DOCK1: variants seen among roughly 807,000 people sequenced by gnomAD.
The protein encoded by DOCK1 is dedicator of cytokinesis 1, also known as dedicator of cytokinesis protein 1.
Under a neutral mutation model 262.7 loss-of-function variants are expected in DOCK1, and 138 were observed. The observed-to-expected ratio is 0.53, with a 90% CI of 0.46 to 0.61. DOCK1 has a LOEUF of 0.61. Ranked by LOEUF, DOCK1 falls within the 20% of genes least tolerant of loss-of-function variation. DOCK1 has a pLI of 0.00. For synonymous variants in DOCK1, 866 were observed against 867.4 expected (o/e 1.00, Z 0.03); for missense variants, 1,908 against 2,370.7 (o/e 0.80, Z 4.05).
intron 29 of DOCK1, among the ~76,000 whole-genome samples, chr10:127,270,100 C>G (rs992620511): frequency 3.9e-5 from 6 of 152,198 alleles, no homozygotes; most frequent in Admixed American, 3.9e-4. Context: ...CCAGCGCCTC[C>G]TCCGAGCTGC....
chr10:126,962,061 G>A (rs1369803873), intron 1 of DOCK1, among the ~76,000 whole-genome samples: 5 of 151,946 alleles, frequency 3.3e-5, no homozygotes, highest in South Asian at 2.1e-4. Context: ...GCAGTGGTGC[G>A]CTCTCGGCTC....
At chr10:127,280,863 AT>A (rs774355551) in intron 29 of DOCK1, among the ~76,000 whole-genome samples, 6 of 152,022 alleles carry the variant, frequency 3.9e-5, no homozygotes, top group Non-Finnish European at 8.8e-5. Flanking sequence ...ACATCGGAAT[AT>A]TTTCAACTTT....
chr10:127,174,941 A>G (rs2054940256), intron 27 of DOCK1, among the ~76,000 whole-genome samples: 1 of 152,206 alleles, frequency 6.6e-6, no homozygotes, highest in Non-Finnish European at 1.5e-5. Flanking sequence ...AATAAAAGGA[A>G]AGGTCTATCA....
chr10:127,421,399 A>G (rs1590986584), intron 46 of DOCK1, among the ~76,000 whole-genome samples: 1 of 152,200 alleles, frequency 6.6e-6, no homozygotes, highest in African/African-American at 2.4e-5. Context: ...TTATAATTCT[A>G]AGTGCTTATA....
At chr10:127,260,468 A>G (rs1007404732) in intron 29 of DOCK1, among the ~76,000 whole-genome samples, 3 of 152,230 alleles carry the variant, frequency 2.0e-5, no homozygotes, top group African/African-American at 7.2e-5. Flanking sequence ...TGTTTTACAT[A>G]AAATGTTATC....
chr10:127,077,125 T>C (rs1205052191), intron 23 of DOCK1, among the ~76,000 whole-genome samples: 6 of 152,192 alleles, frequency 3.9e-5, no homozygotes, highest in Non-Finnish European at 7.3e-5. Context: ...CCGAGCGCGG[T>C]GGCTTATGCC....
Position 127,354,742 on chromosome 10 carries a change from T to C in DOCK1, c.3283+15T>C. On this transcript the variant is annotated intron_variant, in intron 32 of 51. Transcript: ENST00000623213. ...GTACAACCTTGGTGAGTAGCCTGGA[T>C]GTGGGGGCATAGTGAATATCTTGCA... The C allele has an allele frequency of 1.9e-6, 3 of 1,613,734 alleles. No homozygotes were observed. Among genetic ancestry groups the C allele is most frequent in the Non-Finnish European group, 2.5e-6 (3 of 1,179,696 alleles).
intron 29 of DOCK1, among the ~76,000 whole-genome samples, chr10:127,297,156 G>A (rs1207730247): frequency 6.6e-6 from 1 of 152,182 alleles, no homozygotes; most frequent in Non-Finnish European, 1.5e-5. Flanking sequence ...ACAAGCACAG[G>A]CCAAGAAATG....
At chr10:127,451,228 G>A in intron 51 of DOCK1, 104 bp from the exon 52 acceptor site, 1 of 1,307,396 alleles carries the variant, frequency 7.6e-7, no homozygotes, top group Non-Finnish European at 1.1e-6. Flanking sequence ...GGGGAGGATG[G>A]TTCCGGCTGA....
chr10:127,315,377 C>T (rs1486113727), intron 29 of DOCK1, among the ~76,000 whole-genome samples: 1 of 152,122 alleles, frequency 6.6e-6, no homozygotes, highest in Non-Finnish European at 1.5e-5. Flanking sequence ...TAAGATATGG[C>T]CTCATCCCAT....
At chr10:127,250,890 A>C (rs1488526314) in intron 28 of DOCK1, among the ~76,000 whole-genome samples, 1 of 151,000 alleles carries the variant, frequency 6.6e-6, no homozygotes, top group Non-Finnish European at 1.5e-5. Flanking sequence ...ACTGTTGTTA[A>C]TCTGACAGAA....
chr10:126,939,966 C>G (rs2034864943), intron 1 of DOCK1, among the ~76,000 whole-genome samples: 1 of 152,150 alleles, frequency 6.6e-6, no homozygotes, highest in African/African-American at 2.4e-5. Flanking sequence ...GAGCTGGTGG[C>G]TGCATTTAGC....
At chr10:126,955,263 T>G (rs1017528097) in intron 1 of DOCK1, among the ~76,000 whole-genome samples, 7 of 152,180 alleles carry the variant, frequency 4.6e-5, no homozygotes, top group Admixed American at 4.6e-4. Flanking sequence ...GTAGCTGGGA[T>G]TATGGGCATG....
rs113110649 is a variant in DOCK1 at position 127,239,336 on chromosome 10, T to G, written c.2848-8672T>G. Among the ~76,000 whole-genome samples, 11 of 152,358 alleles carry G rather than the reference T, an allele frequency of 7.2e-5. 1 individual carries two copies. The highest frequency in any genetic ancestry group is 2.6e-4 in the African/African-American group (11 of 41,592). ...AGATTATCTATGTTTTTATTTACTA[T>G]AATCTCATATTTCAAAGTATCTTTT... On this transcript the variant is annotated intron_variant, in intron 27 of 51. Coordinates refer to ENST00000623213, the MANE Select transcript of DOCK1 (RefSeq NM_001290223.2).
rs144046825 is a variant in DOCK1, at chr10:127,193,841, G to A, written c.2848-54167G>A. ...ACTGTGGCAAAACAGAGAAGCCCCCGAAGTAAACAGAGTAATAGAGTACCC... is the reference window on the plus strand; with the variant it reads ...ACTGTGGCAAAACAGAGAAGCCCCCAAAGTAAACAGAGTAATAGAGTACCC... On this transcript the variant is annotated intron_variant, in intron 27 of 51. Coordinates refer to ENST00000623213, the MANE Select transcript of DOCK1 (RefSeq NM_001290223.2). Among the ~76,000 whole-genome samples, 1,160 of 152,256 alleles carry A rather than the reference G, an allele frequency of 7.6e-3. 7 individuals are homozygous for A. The highest frequency in any genetic ancestry group is 0.017 in the African/African-American group (693 of 41,554).
chr10:127,145,454 A>C (rs1048163055), intron 27 of DOCK1, among the ~76,000 whole-genome samples: 5 of 152,208 alleles, frequency 3.3e-5, no homozygotes, highest in African/African-American at 1.2e-4. Context: ...TCCTGACCTC[A>C]GTGAAGAACA....
At chr10:126,930,307 G>T (rs1478229325) in intron 1 of DOCK1, among the ~76,000 whole-genome samples, 3 of 152,216 alleles carry the variant, frequency 2.0e-5, no homozygotes, top group African/African-American at 7.2e-5. Flanking sequence ...GTTCTCTTGG[G>T]TATGGACCTC....
At chr10:127,005,902 C>T (rs929670550) in intron 10 of DOCK1, among the ~76,000 whole-genome samples, 13 of 152,144 alleles carry the variant, frequency 8.5e-5, no homozygotes, top group African/African-American at 3.1e-4. Context: ...AGTATGTTTG[C>T]ATTGCACATA....
chr10:127,257,520 T>G, intron 29 of DOCK1, 91 bp downstream of exon 29: 1 of 1,158,170 alleles, frequency 8.6e-7, no homozygotes, highest in African/African-American at 1.5e-5. Flanking sequence ...CCAAGCTGGC[T>G]TCAATAAAAT....
Sources: allele counts gnomAD v4.1 joint callset (sites outside exome capture counted in the v4.1 genomes callset), GRCh38; gene constraint gnomAD v4.1.1; transcripts MANE v1.5; gene names NCBI Gene and HGNC (gene_info 2026-07-23, HGNC 2026-07-21).